The following FHIP1A variants were observed in gnomAD, a reference collection of about 807,000 sequenced individuals.
FHIP1A encodes FHF complex subunit HOOK-interacting protein 1A.
A neutral mutation model predicts 88.6 loss-of-function variants in FHIP1A; 61 were observed. That is an observed-to-expected ratio of 0.69 (90% CI 0.56 to 0.85). The LOEUF is 0.85. Ranked by LOEUF, FHIP1A falls within the 40% of genes least tolerant of loss-of-function variation. The probability of loss-of-function intolerance (pLI) is 0.00; values close to 1 mark genes in which losing one functional copy is unlikely to be tolerated. For missense variants in FHIP1A, 1,154 were observed against 1,273.5 expected, an observed-to-expected ratio of 0.91 and a Z score of 1.43; for synonymous variants, 478 against 496.0, an observed-to-expected ratio of 0.96 and a Z score of 0.48.
chr4:151,505,845 C>T (rs913344691), intron 3 of FHIP1A, among the ~76,000 whole-genome samples: 1 of 152,118 alleles, frequency 6.6e-6, no homozygotes, highest in African/African-American at 2.4e-5. Context: ...GATTTTCTGT[C>T]CATCTATAAC....
intron 3 of FHIP1A, among the ~76,000 whole-genome samples, chr4:151,549,326 A>AACATACTG (rs961186002): frequency 3.9e-5 from 6 of 152,194 alleles, no homozygotes; most frequent in African/African-American, 1.4e-4. Context: ...AAGAGAGCTG[A>AACATACTG]ACATACTGAC....
At chr4:151,572,825 A>C (rs1328152191) in intron 4 of FHIP1A, among the ~76,000 whole-genome samples, 1 of 152,234 alleles carries the variant, frequency 6.6e-6, no homozygotes, top group African/African-American at 2.4e-5. Flanking sequence ...GACATAGAAT[A>C]ATATTAAGTG....
rs966604339 is a variant in FHIP1A at position 151,501,020 on chromosome 4, G to A, written c.-123+18372G>A. On this transcript the variant is annotated intron_variant, in intron 3 of 13. Coordinates refer to ENST00000435205, the MANE Select transcript of FHIP1A (RefSeq NM_001109977.3). ...TGTACGAATATTGATTTTCTGAAAA[G>A]CATTGGAGTGAAGCTCCCTTTCGGA... Among the ~76,000 whole-genome samples the A allele has an allele frequency of 7.9e-5, 12 of 152,162 alleles. No individual in the cohort carries two copies. The South Asian group carries it at 1.2e-3, about 16-fold the overall frequency.
rs1403170104 is a variant in FHIP1A at position 151,566,242 on chromosome 4, A to G, written c.-18A>G. 1.3e-6 allele frequency: 2 copies of G among 1,488,426 alleles called. No individual in the cohort carries two copies. The highest frequency in any genetic ancestry group is 1.8e-6 in the Non-Finnish European group (2 of 1,097,252). The allele number at this position is 1,488,426 out of a possible 1,614,324, so 92.2% of individuals were successfully genotyped here. On this transcript the variant is annotated 5_prime_UTR_variant, in exon 4 of 14. Coordinates refer to ENST00000435205, the MANE Select transcript of FHIP1A (RefSeq NM_001109977.3). ...TGAAAATTAAATATGACTTAGAAGC[A>G]TTGATTTATGAAGGCTTATGATGTC...
intron 9 of FHIP1A, among the ~76,000 whole-genome samples, chr4:151,643,665 G>A (rs1245293482): frequency 2.6e-5 from 4 of 151,928 alleles, no homozygotes; most frequent in East Asian, 1.9e-4. Flanking sequence ...TGTAGCTCCC[G>A]CGTATGAGTG....
At chr4:151,413,289 T>A (rs185708101) in intron 1 of FHIP1A, among the ~76,000 whole-genome samples, 1 of 152,268 alleles carries the variant, frequency 6.6e-6, no homozygotes, top group Admixed American at 6.5e-5. Context: ...GATTTACAAA[T>A]ATAGAAGTAA....
chr4:151,590,644 G>A (rs952157334), intron 7 of FHIP1A, among the ~76,000 whole-genome samples: 2 of 152,192 alleles, frequency 1.3e-5, no homozygotes, highest in Non-Finnish European at 2.9e-5. Flanking sequence ...GACTTAGGAG[G>A]CTGAAGAAAC....
chr4:151,425,661 G>A (rs772067970), intron 1 of FHIP1A, among the ~76,000 whole-genome samples: 16 of 152,086 alleles, frequency 1.1e-4, no homozygotes, highest in African/African-American at 1.9e-4. Context: ...AATTTATTCT[G>A]TCATAGTTTT....
intron 2 of FHIP1A, among the ~76,000 whole-genome samples, chr4:151,467,898 A>G (rs1386774182): frequency 1.3e-5 from 2 of 151,348 alleles, no homozygotes; most frequent in African/African-American, 4.9e-5. Flanking sequence ...TAAAACCAGG[A>G]TGATGGGTTG....
At chr4:151,531,116 T>C (rs1400880030) in intron 3 of FHIP1A, among the ~76,000 whole-genome samples, 1 of 152,040 alleles carries the variant, frequency 6.6e-6, no homozygotes, top group African/African-American at 2.4e-5. Context: ...TGAAGATAAT[T>C]ATCATGCTTC....
chr4:151,594,913 CT>C (rs1457691601), intron 7 of FHIP1A, among the ~76,000 whole-genome samples: 2 of 152,100 alleles, frequency 1.3e-5, no homozygotes, highest in Non-Finnish European at 2.9e-5. Flanking sequence ...ATTCTTCTCT[CT>C]TTTCTTTTTT....
intron 2 of FHIP1A, among the ~76,000 whole-genome samples, chr4:151,479,690 T>A (rs550011677): frequency 6.6e-6 from 1 of 152,192 alleles, no homozygotes; most frequent in South Asian, 2.1e-4. Context: ...CCACCCACAT[T>A]TGTTTCTCTG....
intron 2 of FHIP1A, among the ~76,000 whole-genome samples, chr4:151,477,610 AT>A (rs765091480): frequency 8.5e-5 from 13 of 152,152 alleles, no homozygotes; most frequent in Non-Finnish European, 1.8e-4. Context: ...GAAGGGACTA[AT>A]TTTCTTAATA....
At chr4:151,427,808 G>A (rs940860981) in intron 1 of FHIP1A, among the ~76,000 whole-genome samples, 4 of 152,074 alleles carry the variant, frequency 2.6e-5, no homozygotes, top group African/African-American at 9.7e-5. Context: ...TTTTCCATGT[G>A]AGTAAAATCA....
intron 7 of FHIP1A, among the ~76,000 whole-genome samples, chr4:151,607,573 T>C (rs957444683): frequency 3.9e-5 from 6 of 152,220 alleles, no homozygotes; most frequent in African/African-American, 1.4e-4. Context: ...ATTCAACTGA[T>C]ACAATTTTGG....
chr4:151,466,221 C>A (rs1729308567), intron 2 of FHIP1A, among the ~76,000 whole-genome samples: 1 of 152,090 alleles, frequency 6.6e-6, no homozygotes, highest in Admixed American at 6.6e-5. Flanking sequence ...TGAGTGAACT[C>A]CCATTCACAA....
Position 151,662,953 on chromosome 4 carries a change from T to A in FHIP1A, c.*199T>A. The A allele has an allele frequency of 2.1e-6, 1 of 486,752 alleles. No homozygotes were observed. Among genetic ancestry groups the A allele is most frequent in the Non-Finnish European group, 3.5e-6 (1 of 289,212 alleles). The allele number at this position is 486,752 out of a possible 1,614,324, so 30.2% of individuals were successfully genotyped here. ...TCCACCTTATGTTATATATAGAATG[T>A]AAGTCTCATAAGCTGGTTGCTCCCT... On this transcript the variant is annotated 3_prime_UTR_variant, in exon 14 of 14. Coordinates refer to ENST00000435205, the MANE Select transcript of FHIP1A (RefSeq NM_001109977.3).
intron 3 of FHIP1A, among the ~76,000 whole-genome samples, chr4:151,553,951 T>C (rs1352107664): frequency 2.6e-5 from 4 of 152,194 alleles, no homozygotes; most frequent in African/African-American, 9.6e-5. Context: ...TGTATCACCC[T>C]CGGATCTATT....
At chr4:151,622,095 C>T (rs944608214) in intron 7 of FHIP1A, among the ~76,000 whole-genome samples, 1 of 152,048 alleles carries the variant, frequency 6.6e-6, no homozygotes. Context: ...TGTTGCAGGT[C>T]AGTTGTAGTC....
Sources: allele counts gnomAD v4.1 joint callset (sites outside exome capture counted in the v4.1 genomes callset), GRCh38; gene constraint gnomAD v4.1.1; transcripts MANE v1.5; gene names NCBI Gene and HGNC (gene_info 2026-07-23, HGNC 2026-07-21).